Variants in YWHAE observed in about 807,000 individuals in gnomAD.
YWHAE encodes tyrosine 3-monooxygenase/tryptophan 5-monooxygenase activation protein epsilon, also known as 14-3-3 protein epsilon.
In YWHAE, 4 loss-of-function variants were observed where a neutral mutation model predicts 30.1. The observed-to-expected ratio is 0.13, with a 90% CI of 0.07 to 0.30. The LOEUF (loss-of-function observed/expected upper bound fraction) is 0.30, where lower values mean the gene tolerates loss of function less well. YWHAE is among the 10% of genes least tolerant of loss of function. The probability of loss-of-function intolerance (pLI) is 1.00; values close to 1 mark genes in which losing one functional copy is unlikely to be tolerated. For synonymous variants in YWHAE, 118 were observed against 111.8 expected, an observed-to-expected ratio of 1.06 and a Z score of -0.35; for missense variants, 121 against 315.9, an observed-to-expected ratio of 0.38 and a Z score of 4.68.
intron 2 of YWHAE, among the ~76,000 whole-genome samples, chr17:1,362,739 G>C (rs576237130): frequency 6.6e-6 from 1 of 152,078 alleles, no homozygotes; most frequent in East Asian, 1.9e-4. Context: ...CGTGCCCCTG[G>C]AACCTCCGTT....
intron 1 of YWHAE, among the ~76,000 whole-genome samples, chr17:1,398,541 T>C (rs985788439): frequency 6.6e-6 from 1 of 152,058 alleles, no homozygotes; most frequent in African/African-American, 2.4e-5. Flanking sequence ...GCAAGGGCCC[T>C]AACATTTTGA....
intron 5 of YWHAE, chr17:1,352,147 G>A (rs1016903341): frequency 1.3e-5 from 2 of 152,168 alleles, no homozygotes; most frequent in Non-Finnish European, 2.9e-5. Flanking sequence ...GAGTCCCAAG[G>A]GCTGGGAGTA....
rs528991304 is a variant in YWHAE, at chr17:1,347,453, G to T, written c.716-1954C>A. ...GAGCTTTGAACGCCACTGCACTCCA[G>T]GCGGGGCAACAAGAGCAAAACTCCG... On this transcript the variant is annotated intron_variant, in intron 5 of 5. Transcript: ENST00000264335. Among the ~76,000 whole-genome samples the T allele has an allele frequency of 3.3e-5, 5 of 151,740 alleles. No homozygotes were observed. In the East Asian group the frequency reaches 7.7e-4, roughly 23 times the overall value.
In YWHAE at chr17:1,376,849, T is replaced by C. The variant is rs186845146; in HGVS notation, c.65-11791A>G. 9.2e-3 allele frequency among the ~76,000 whole-genome samples: 1,390 copies of C among 151,732 alleles called. 19 individuals are homozygous for C. The highest frequency in any genetic ancestry group is 0.011 in the Non-Finnish European group (769 of 67,960). On this transcript the variant is annotated intron_variant, in intron 1 of 5. Coordinates refer to ENST00000264335, the MANE Select transcript of YWHAE (RefSeq NM_006761.5). ...AAAGCAAACTGTTCAGAATCTGCCA[T>C]GGGAAAAACGAGCAGGTTCTGTACT...
In YWHAE at chr17:1,370,317, G is replaced by C. The variant is rs540008870; in HGVS notation, c.65-5259C>G. Among the ~76,000 whole-genome samples the C allele has an allele frequency of 1.5e-3, 231 of 151,720 alleles. 2 individuals are homozygous for C. Among genetic ancestry groups the C allele is most frequent in the Middle Eastern group, 0.014 (4 of 292 alleles). On this transcript the variant is annotated intron_variant, in intron 1 of 5. Coordinates refer to ENST00000264335, the MANE Select transcript of YWHAE (RefSeq NM_006761.5). ...AATTTTTTTGTGTGTATTTTTAGTAGAGGCGGGGTTTCACCATGTTAGCCA... is the reference window on the plus strand; with the variant it reads ...AATTTTTTTGTGTGTATTTTTAGTACAGGCGGGGTTTCACCATGTTAGCCA...
chr17:1,389,724 G>GTTTC (rs1323302051), intron 1 of YWHAE, among the ~76,000 whole-genome samples: 2 of 151,446 alleles, frequency 1.3e-5, no homozygotes, highest in African/African-American at 4.9e-5. Flanking sequence ...TAGAGACAGG[G>GTTTC]TTTCACTGTG....
At position 1,345,182 on chromosome 17, in the gene YWHAE, G is replaced by GT. The variant is rs2072494709; in HGVS notation, c.*264_*265insA. On this transcript the variant is annotated 3_prime_UTR_variant, in exon 6 of 6. Transcript: ENST00000264335. The stretch of plus-strand genomic sequence containing the variant: ...GGCACGGAGACGACACAGTAATGCT[G>GT]AAAAAGCCTCTATGTAGTCCTGTTA... The GT allele has an allele frequency of 8.2e-6, 4 of 488,110 alleles. No homozygotes were observed. Among genetic ancestry groups the GT allele is most frequent in the Non-Finnish European group, 1.4e-5 (4 of 276,382 alleles). The allele number at this position is 488,110 out of a possible 1,614,324, so 30.2% of individuals were successfully genotyped here.
At chr17:1,360,300 A>G (rs544016543) in intron 4 of YWHAE, among the ~76,000 whole-genome samples, 1 of 152,280 alleles carries the variant, frequency 6.6e-6, no homozygotes, top group Admixed American at 6.5e-5. Flanking sequence ...ATGTACGTAT[A>G]AATATTCCTT....
intron 1 of YWHAE, among the ~76,000 whole-genome samples, chr17:1,397,099 A>G (rs982531794): frequency 6.6e-6 from 1 of 151,446 alleles, no homozygotes; most frequent in African/African-American, 2.4e-5. Context: ...GGGTTTCACC[A>G]TGTTGGCCAG....
chr17:1,356,171 A>AACACACACACACACAC (rs71148473), intron 4 of YWHAE, among the ~76,000 whole-genome samples: 127 of 143,094 alleles, frequency 8.9e-4, no homozygotes, highest in Middle Eastern at 7.4e-3. Flanking sequence ...TCCGTCTAAA[A>AACACACACACACACAC]ACACACACAC....
chr17:1,376,917 C>G (rs1031708596), intron 1 of YWHAE, among the ~76,000 whole-genome samples: 1 of 148,554 alleles, frequency 6.7e-6, no homozygotes, highest in Non-Finnish European at 1.5e-5. Flanking sequence ...CACACAGGGT[C>G]ATAACCCTAA....
chr17:1,383,034 A>G (rs1567979263), intron 1 of YWHAE, among the ~76,000 whole-genome samples: 1 of 150,740 alleles, frequency 6.6e-6, no homozygotes, highest in Non-Finnish European at 1.5e-5. Flanking sequence ...CAAGAAAGAA[A>G]AAAAAAAAAA....
intron 2 of YWHAE, among the ~76,000 whole-genome samples, chr17:1,364,040 A>G (rs965160152): frequency 6.6e-6 from 1 of 152,182 alleles, no homozygotes. Flanking sequence ...GAAGTACAAA[A>G]GCACCTCTAA....
intron 1 of YWHAE, among the ~76,000 whole-genome samples, chr17:1,377,208 C>G (rs972432648): frequency 6.6e-6 from 1 of 152,116 alleles, no homozygotes; most frequent in African/African-American, 2.4e-5. Context: ...GTTACCACAC[C>G]CGGCCCTAAT....
chr17:1,378,918 C>A (rs1258692755), intron 1 of YWHAE, among the ~76,000 whole-genome samples: 1 of 151,504 alleles, frequency 6.6e-6, no homozygotes. Flanking sequence ...CCATTGCATT[C>A]CAGCCTGGCG....
intron 1 of YWHAE, among the ~76,000 whole-genome samples, chr17:1,378,070 T>A (rs2073150950): frequency 1.3e-5 from 2 of 152,116 alleles, no homozygotes; most frequent in African/African-American, 4.8e-5. Flanking sequence ...TCTCAAATTG[T>A]TTTTATGGTT....
In YWHAE at chr17:1,361,431, A is replaced by G. The variant is rs531341241; in HGVS notation, c.372-133T>C. ...ATATGTAACAATTAGGTGTACTTCAATAATTTTAAACACTCTCAGGAATAA... is the reference window on the plus strand; with the variant it reads ...ATATGTAACAATTAGGTGTACTTCAGTAATTTTAAACACTCTCAGGAATAA... On this transcript the variant is annotated intron_variant, in intron 3 of 5. Coordinates refer to ENST00000264335, the MANE Select transcript of YWHAE (RefSeq NM_006761.5). 4.1e-5 allele frequency: 27 copies of G among 666,452 alleles called. 1 individual carries two copies. In the South Asian group the frequency reaches 6.9e-4, roughly 17 times the overall value. 41.3% of individuals were successfully genotyped at this position (666,452 alleles called of 1,614,324 possible).
chr17:1,382,252 G>A (rs1384433744), intron 1 of YWHAE, among the ~76,000 whole-genome samples: 1 of 150,816 alleles, frequency 6.6e-6, no homozygotes, highest in African/African-American at 2.4e-5. Flanking sequence ...GTTTCACCGT[G>A]TTAGCCAGGA....
At chr17:1,394,460 A>AAAAAAAAAAAAAAAAAAAAAAACC (rs1555647412) in intron 1 of YWHAE, among the ~76,000 whole-genome samples, 1 of 137,542 alleles carries the variant, frequency 7.3e-6, no homozygotes, top group African/African-American at 2.9e-5. Flanking sequence ...AAAAAAAAAA[A>AAAAAAAAAAAAAAAAAAAAAAACC]ACACAAAAAT....
Sources: allele counts gnomAD v4.1 joint callset (sites outside exome capture counted in the v4.1 genomes callset), GRCh38; gene constraint gnomAD v4.1.1; transcripts MANE v1.5; gene names NCBI Gene and HGNC (gene_info 2026-07-23, HGNC 2026-07-21).